The following TRPM3 variants were observed in gnomAD, a reference collection of about 807,000 sequenced individuals.
TRPM3 encodes transient receptor potential cation channel subfamily M member 3.
A neutral mutation model predicts 181.2 loss-of-function variants in TRPM3; 77 were observed. The ratio of observed to expected loss-of-function variants is 0.42; its 90% CI spans 0.35 to 0.51. The LOEUF is 0.51. TRPM3 is among the 20% of genes least tolerant of loss of function. The pLI is 0.01. For synonymous variants in TRPM3, 745 were observed against 796.4 expected (o/e 0.94, Z 1.09); for missense variants, 1,759 against 2,196.7 (o/e 0.80, Z 3.98).
At chr9:70,685,781 G>A (rs1470145806) in intron 8 of TRPM3, among the ~76,000 whole-genome samples, 3 of 151,498 alleles carry the variant, frequency 2.0e-5, no homozygotes, top group African/African-American at 7.3e-5. Context: ...TGCTTCCTTA[G>A]GTGTTCTTTT....
chr9:70,569,146 G>T (rs1399576274), intron 22 of TRPM3, among the ~76,000 whole-genome samples: 1 of 152,158 alleles, frequency 6.6e-6, no homozygotes, highest in Non-Finnish European at 1.5e-5. Flanking sequence ...GTTGGATGAG[G>T]TGATTCATTC....
At chr9:71,335,692 A>T (rs1443991750) in intron 1 of TRPM3, among the ~76,000 whole-genome samples, 1 of 152,164 alleles carries the variant, frequency 6.6e-6, no homozygotes, top group Non-Finnish European at 1.5e-5. Context: ...AAAAGGAGTT[A>T]TTTCCCACAG....
rs75128800 is a variant in TRPM3 at position 70,627,655 on chromosome 9, G to A, written c.1633-2138C>T. Among the ~76,000 whole-genome samples, 207 of 152,242 alleles carry A rather than the reference G, an allele frequency of 1.4e-3. 5 individuals carry two copies. In the East Asian group the frequency reaches 0.032, roughly 24 times the overall value. On this transcript the variant is annotated intron_variant, in intron 12 of 25. Transcript: ENST00000677713. ...TGTGTTCTACCTCTCCCTTGGCTTG[G>A]GGTACATGGTAGGCTTGGGCATCTA...
chr9:71,155,003 T>A (rs10868963), intron 1 of TRPM3, among the ~76,000 whole-genome samples: 61,855 of 152,046 alleles, frequency 0.41, 14,616 homozygotes, highest in African/African-American at 0.66. Flanking sequence ...AAGATGTATT[T>A]GTATTGTCAT....
At chr9:71,373,825 A>G (rs900094001) in intron 1 of TRPM3, among the ~76,000 whole-genome samples, 3 of 152,202 alleles carry the variant, frequency 2.0e-5, no homozygotes, top group African/African-American at 7.2e-5. Context: ...ATACAACAAA[A>G]AAGCAAACTT....
At position 70,532,335 on chromosome 9, in the gene TRPM3, A is replaced by C. The variant is rs988329851; in HGVS notation, c.*3618T>G. ...CAGAAGAAACACATTTTGTGTTTTT[A>C]TGAGTACATTTTTCTCGTTTGATTA... On this transcript the variant is annotated 3_prime_UTR_variant, in exon 26 of 26. Transcript: ENST00000677713. The C allele has an allele frequency of 1.3e-5, 2 of 152,246 alleles. No homozygotes were observed. The highest frequency in any genetic ancestry group is 2.9e-5 in the Non-Finnish European group (2 of 68,034). 9.4% of individuals were successfully genotyped at this position (152,246 alleles called of 1,614,324 possible).
At chr9:70,984,039 A>G (rs567772607) in intron 1 of TRPM3, among the ~76,000 whole-genome samples, 20 of 152,312 alleles carry the variant, frequency 1.3e-4, no homozygotes, top group African/African-American at 4.6e-4. Context: ...TATGTGAGCC[A>G]GAAATGGAGG....
chr9:70,829,983 C>T (rs1277364271), intron 5 of TRPM3, among the ~76,000 whole-genome samples: 1 of 152,156 alleles, frequency 6.6e-6, no homozygotes, highest in African/African-American at 2.4e-5. Flanking sequence ...CTTAAAGTGC[C>T]TCTGCATTGT....
At chr9:70,859,770 C>A (rs2095478454) in intron 3 of TRPM3, among the ~76,000 whole-genome samples, 1 of 152,080 alleles carries the variant, frequency 6.6e-6, no homozygotes, top group Non-Finnish European at 1.5e-5. Context: ...GGTTTTGTCC[C>A]CCGTAATAGC....
At chr9:71,129,365 C>A (rs1481272410) in intron 1 of TRPM3, among the ~76,000 whole-genome samples, 2 of 152,062 alleles carry the variant, frequency 1.3e-5, no homozygotes, top group Non-Finnish European at 2.9e-5. Context: ...AGTCACTGGG[C>A]AATTCATTTA....
At chr9:70,610,509 G>T in intron 19 of TRPM3, 100 bp downstream of exon 19, 1 of 1,410,816 alleles carries the variant, frequency 7.1e-7, no homozygotes, top group Non-Finnish European at 9.7e-7. Flanking sequence ...TCCTGTGTGT[G>T]GCACTTACGA....
intron 1 of TRPM3, among the ~76,000 whole-genome samples, chr9:70,975,759 T>C (rs894029046): frequency 7.2e-5 from 11 of 152,190 alleles, no homozygotes; most frequent in South Asian, 2.1e-4. Context: ...CATGGTATTA[T>C]GGAAGGAACA....
intron 8 of TRPM3, among the ~76,000 whole-genome samples, chr9:70,738,873 G>A (rs572646718): frequency 1.2e-4 from 19 of 152,050 alleles, no homozygotes; most frequent in Non-Finnish European, 1.5e-5. Context: ...GCTAGAAAAC[G>A]TGGAGGAGAT....
At chr9:70,555,287 A>C (rs901756334) in intron 22 of TRPM3, among the ~76,000 whole-genome samples, 1 of 152,094 alleles carries the variant, frequency 6.6e-6, no homozygotes, top group Non-Finnish European at 1.5e-5. Context: ...TCCAGTAAGG[A>C]CTTGGGTAGG....
chr9:70,781,737 ATAATT>A (rs1209706874), intron 7 of TRPM3, among the ~76,000 whole-genome samples: 1 of 152,128 alleles, frequency 6.6e-6, no homozygotes, highest in Non-Finnish European at 1.5e-5. Context: ...AATTTAAATA[ATAATT>A]TAATTTAAAT....
chr9:71,352,747 C>T (rs1283827015), intron 1 of TRPM3, among the ~76,000 whole-genome samples: 1 of 152,168 alleles, frequency 6.6e-6, no homozygotes, highest in Non-Finnish European at 1.5e-5. Context: ...GCTGGCCCAA[C>T]CACTACCAGA....
chr9:70,616,815 T>C (rs992790862), intron 17 of TRPM3, among the ~76,000 whole-genome samples: 5 of 152,142 alleles, frequency 3.3e-5, no homozygotes, highest in African/African-American at 7.2e-5. Context: ...CATAAATCTA[T>C]GCAAGGACAC....
At chr9:71,301,769 TTTATTA>T (rs572351551) in intron 1 of TRPM3, among the ~76,000 whole-genome samples, 38 of 152,202 alleles carry the variant, frequency 2.5e-4, no homozygotes, top group Admixed American at 1.6e-3. Context: ...TATAAAGTGC[TTTATTA>T]TTATTATTAT....
At chr9:71,329,789 AC>A (rs757769173) in intron 1 of TRPM3, among the ~76,000 whole-genome samples, 45 of 152,158 alleles carry the variant, frequency 3.0e-4, no homozygotes, top group Non-Finnish European at 4.9e-4. Context: ...GTATTGTCTA[AC>A]AATGTAAAAA....
Sources: gnomAD v4.1 joint callset for allele counts (sites outside exome capture counted in the v4.1 genomes callset) on GRCh38, gnomAD v4.1.1 for gene constraint, MANE v1.5 for transcripts, NCBI Gene and HGNC (gene_info 2026-07-23, HGNC 2026-07-21) for gene names.